Variants in RNF144A observed in about 807,000 individuals in gnomAD.
RNF144A encodes E3 ubiquitin-protein ligase RNF144A.
Under a neutral mutation model 38.7 loss-of-function variants are expected in RNF144A, and 11 were observed. The ratio of observed to expected loss-of-function variants is 0.28; its 90% CI spans 0.18 to 0.47. RNF144A has a LOEUF of 0.47. Among genes scored for constraint, RNF144A ranks in the 20% least tolerant of loss-of-function variants. The probability of loss-of-function intolerance (pLI) is 0.99; values close to 1 mark genes in which losing one functional copy is unlikely to be tolerated. For missense variants in RNF144A, 316 were observed against 377.2 expected (o/e 0.84, Z 1.34); for synonymous variants, 149 against 143.9 (o/e 1.04, Z -0.25).
intron 2 of RNF144A, among the ~76,000 whole-genome samples, chr2:6,965,472 G>A (rs1667608851): frequency 6.6e-6 from 1 of 152,180 alleles, no homozygotes; most frequent in African/African-American, 2.4e-5. Context: ...TATATTCAGG[G>A]CCTTTATGGA....
intron 1 of RNF144A, among the ~76,000 whole-genome samples, chr2:6,930,563 C>A (rs1290759122): frequency 1.3e-5 from 2 of 151,514 alleles, no homozygotes; most frequent in Admixed American, 1.3e-4. Context: ...CTTTATCTAT[C>A]TGTATATACA....
intron 2 of RNF144A, among the ~76,000 whole-genome samples, chr2:6,957,334 G>T (rs148865063): frequency 1.3e-5 from 2 of 152,348 alleles, no homozygotes; most frequent in African/African-American, 4.8e-5. Context: ...GAGGTCAGAA[G>T]GCACTTGGTA....
intron 6 of RNF144A, among the ~76,000 whole-genome samples, chr2:7,021,922 C>G (rs780491742): frequency 6.6e-6 from 1 of 152,258 alleles, no homozygotes. Context: ...ATTCTAGTCT[C>G]ATTTAAATTA....
intron 3 of RNF144A, among the ~76,000 whole-genome samples, chr2:7,011,676 G>A (rs988985553): frequency 6.6e-6 from 1 of 152,186 alleles, no homozygotes; most frequent in Admixed American, 6.5e-5. Context: ...GTCAGTATCT[G>A]CTTTTAGGCT....
chr2:6,924,534 C>G (rs1485305597), intron 1 of RNF144A, among the ~76,000 whole-genome samples: 1 of 152,148 alleles, frequency 6.6e-6, no homozygotes, highest in Non-Finnish European at 1.5e-5. Flanking sequence ...TGTCCCAGAG[C>G]AGGGCAAAGA....
chr2:6,953,141 T>A (rs1666789354), intron 2 of RNF144A, among the ~76,000 whole-genome samples: 1 of 152,308 alleles, frequency 6.6e-6, no homozygotes, highest in Non-Finnish European at 1.5e-5. Context: ...AATTTTCTTT[T>A]CAGGGCTGGA....
chr2:6,973,188 G>A (rs1391184824), intron 2 of RNF144A, among the ~76,000 whole-genome samples: 3 of 152,208 alleles, frequency 2.0e-5, no homozygotes, highest in African/African-American at 2.4e-5. Context: ...ATTTGCCTAC[G>A]TGGTTGAGTG....
intron 1 of RNF144A, among the ~76,000 whole-genome samples, chr2:6,931,304 A>G (rs1665196821): frequency 6.6e-6 from 1 of 152,256 alleles, no homozygotes; most frequent in African/African-American, 2.4e-5. Context: ...TGAGAATTGT[A>G]CCAGGGTTAC....
chr2:6,956,902 A>T (rs1446232864), intron 2 of RNF144A, among the ~76,000 whole-genome samples: 1 of 152,214 alleles, frequency 6.6e-6, no homozygotes, highest in Admixed American at 6.5e-5. Context: ...GTAGAAAATC[A>T]TGTGAAAATG....
chr2:7,031,966 C>T lies in RNF144A; in HGVS notation c.747+1751C>T, dbSNP rs546398278. ...GTGGAAGTGACTGTGGTGATGGTTGCGTAACTCTGTGAACACACTGGAAAC... is the reference window on the plus strand; with the variant it reads ...GTGGAAGTGACTGTGGTGATGGTTGTGTAACTCTGTGAACACACTGGAAAC... On this transcript the variant is annotated intron_variant, in intron 8 of 8. Transcript: ENST00000320892. Among the ~76,000 whole-genome samples the T allele has an allele frequency of 6.6e-4, 100 of 152,370 alleles. 1 individual carries two copies. The highest frequency in any genetic ancestry group is 3.4e-3 in the Middle Eastern group (1 of 294).
intron 2 of RNF144A, among the ~76,000 whole-genome samples, chr2:6,966,178 C>T (rs1667656232): frequency 6.6e-6 from 1 of 152,228 alleles, no homozygotes; most frequent in South Asian, 2.1e-4. Context: ...TTGAGTTATT[C>T]TCCAAATGTT....
At chr2:7,056,350 C>A (rs1424318826) in intron 6 of RNF144A, among the ~76,000 whole-genome samples, 1 of 152,164 alleles carries the variant, frequency 6.6e-6, no homozygotes, top group Non-Finnish European at 1.5e-5. Context: ...CCCATGCTAC[C>A]ATCAATTTCT....
intron 6 of RNF144A, among the ~76,000 whole-genome samples, chr2:7,057,429 G>C (rs1199569257): frequency 1.3e-5 from 2 of 152,190 alleles, no homozygotes; most frequent in Non-Finnish European, 2.9e-5. Flanking sequence ...CCTTGGCAAG[G>C]GTGTAGCAGA....
intron 2 of RNF144A, among the ~76,000 whole-genome samples, chr2:6,950,600 T>G (rs1042040624): frequency 2.0e-5 from 3 of 152,176 alleles, no homozygotes; most frequent in African/African-American, 4.8e-5. Context: ...AATGATTAAG[T>G]TTGCAAGAAA....
At chr2:7,051,351 C>T (rs1446618906) in intron 6 of RNF144A, among the ~76,000 whole-genome samples, 17 of 152,040 alleles carry the variant, frequency 1.1e-4, no homozygotes, top group African/African-American at 3.4e-4. Flanking sequence ...CGGGGTAGAG[C>T]GGTAAGGGAC....
rs149938835 is a variant in RNF144A, at chr2:7,027,275, A to G, written c.657+2759A>G. Among the ~76,000 whole-genome samples the G allele has an allele frequency of 1.7e-3, 265 of 152,338 alleles. 1 individual carries two copies. The highest frequency in any genetic ancestry group is 6.0e-3 in the African/African-American group (251 of 41,582). ...CTTGAATCCTCACTGCTTCTCAGCT[A>G]TCAGTGCTGGCCCAACATTTGCTAT... On this transcript the variant is annotated intron_variant, in intron 7 of 8. Transcript: ENST00000320892.
At chr2:7,002,736 T>A (rs538473629) in intron 3 of RNF144A, among the ~76,000 whole-genome samples, 3 of 152,316 alleles carry the variant, frequency 2.0e-5, no homozygotes, top group East Asian at 3.9e-4. Flanking sequence ...TGTACTTTTT[T>A]ATCGTTATTT....
At chr2:7,057,387 G>A (rs549938050) in intron 6 of RNF144A, among the ~76,000 whole-genome samples, 17 of 152,252 alleles carry the variant, frequency 1.1e-4, no homozygotes, top group Admixed American at 7.2e-4. Context: ...TAATGAGGAA[G>A]GACTTTCTAA....
At chr2:6,989,335 C>T (rs1224067450) in intron 2 of RNF144A, among the ~76,000 whole-genome samples, 2 of 152,192 alleles carry the variant, frequency 1.3e-5, no homozygotes, top group Admixed American at 1.3e-4. Flanking sequence ...AAACCTGGAT[C>T]CCACTGTCTA....
Sources: gnomAD v4.1 joint callset for allele counts (sites outside exome capture counted in the v4.1 genomes callset) on GRCh38, gnomAD v4.1.1 for gene constraint, MANE v1.5 for transcripts, NCBI Gene and HGNC (gene_info 2026-07-23, HGNC 2026-07-21) for gene names.